GLI3: variants seen among roughly 807,000 people sequenced by gnomAD.
GLI3 encodes the protein GLI family zinc finger 3.
A neutral mutation model predicts 100.8 loss-of-function variants in GLI3; 20 were observed. The ratio of observed to expected loss-of-function variants is 0.20; its 90% confidence interval spans 0.14 to 0.29. The LOEUF (loss-of-function observed/expected upper bound fraction) is 0.29, where lower values mean the gene tolerates loss of function less well. GLI3 is among the 10% of genes least tolerant of loss of function. The pLI is 1.00. For missense variants in GLI3, 2,040 were observed against 2,128.5 expected (o/e 0.96, Z 0.82); for synonymous variants, 938 against 860.5 (o/e 1.09, Z -1.58).
rs756608797 is a variant in GLI3, at chr7:41,965,683, G to A, written c.3390C>T (p.Asp1130=). 1.9e-5 allele frequency: 30 copies of A among 1,613,296 alleles called. No homozygotes were observed. Among genetic ancestry groups the A allele is most frequent in the South Asian group, 1.8e-4 (16 of 91,072 alleles). The change falls in exon 15 of 15, where the codon GAC becomes GAT. Residue 1130 remains aspartate (D), a synonymous_variant. Transcript: ENST00000395925. The stretch of plus-strand genomic sequence containing the variant: ...CGTGGCTGTCTGGCAGCCCGGGCGC[G>A]TCAAAGTCACCGGGCCCGTGGGGCA... ...SKVPHGPGDF[D]APGLPDSHAG...
rs2128738384 is a variant in GLI3 at position 42,039,551 on chromosome 7, T to C, written c.1028+487A>G. ...TATGCTTTCCAATGTCATCTGCACT[T>C]ATTTTCCATCAGACGAAAAGTCCTG... On this transcript the variant is annotated intron_variant, in intron 7 of 14. Coordinates refer to ENST00000395925, the MANE Select transcript of GLI3 (RefSeq NM_000168.6). Among the ~76,000 whole-genome samples the C allele has an allele frequency of 1.3e-5, 2 of 152,374 alleles. 1 individual carries two copies. Among genetic ancestry groups the C allele is most frequent in the South Asian group, 4.1e-4 (2 of 4,826 alleles).
chr7:41,999,823 A>G (rs1788235543), intron 10 of GLI3, among the ~76,000 whole-genome samples: 1 of 152,148 alleles, frequency 6.6e-6, no homozygotes, highest in South Asian at 2.1e-4. Flanking sequence ...TTCTCTGCCC[A>G]TGAAGCACAT....
Position 42,097,337 on chromosome 7 carries a change from G to A in GLI3, c.368-20480C>T, listed in dbSNP as rs116708772. ...CACAGCCACCCTATTAGAGACAGTC[G>A]CTCCCCCTGGAAGATGGAGGGGCAG... On this transcript the variant is annotated intron_variant, in intron 3 of 14. Coordinates refer to ENST00000395925, the MANE Select transcript of GLI3 (RefSeq NM_000168.6). Among the ~76,000 whole-genome samples the A allele has an allele frequency of 9.1e-3, 1,387 of 152,310 alleles. 15 individuals carry two copies. Among genetic ancestry groups the A allele is most frequent in the African/African-American group, 0.031 (1,296 of 41,558 alleles).
chr7:42,217,181 C>A (rs913388921), intron 2 of GLI3, among the ~76,000 whole-genome samples: 1 of 152,030 alleles, frequency 6.6e-6, no homozygotes, highest in Admixed American at 6.6e-5. Flanking sequence ...AAGAGACACA[C>A]GAGCGAGTAA....
At chr7:42,187,011 A>G (rs923275154) in intron 2 of GLI3, among the ~76,000 whole-genome samples, 1 of 151,422 alleles carries the variant, frequency 6.6e-6, no homozygotes, top group Non-Finnish European at 1.5e-5. Flanking sequence ...GGAGATTGAA[A>G]CCAAACTGAG....
At chr7:42,112,585 TCATAAATATATATGCC>T (rs1302090115) in intron 3 of GLI3, among the ~76,000 whole-genome samples, 2 of 151,562 alleles carry the variant, frequency 1.3e-5, no homozygotes, top group African/African-American at 2.4e-5. Context: ...CACTTGTACT[TCATAAATATATATGCC>T]CATTATTTCC....
chr7:42,133,161 C>G lies in GLI3; in HGVS notation c.367+15065G>C, dbSNP rs114366885. On this transcript the variant is annotated intron_variant, in intron 3 of 14. Coordinates refer to ENST00000395925, the MANE Select transcript of GLI3 (RefSeq NM_000168.6). The stretch of plus-strand genomic sequence containing the variant: ...AGTAAAACTTATACAAAAACATTCT[C>G]TCATATCATCAGCTTACTTAAGTGA... 9.0e-3 allele frequency among the ~76,000 whole-genome samples: 1,374 copies of G among 152,252 alleles called. 21 individuals are homozygous for G. Among genetic ancestry groups the G allele is most frequent in the African/African-American group, 0.031 (1,301 of 41,546 alleles).
At chr7:42,234,450 C>T (rs1415300767) in intron 1 of GLI3, among the ~76,000 whole-genome samples, 1 of 152,066 alleles carries the variant, frequency 6.6e-6, no homozygotes. Flanking sequence ...GCTTGCACAT[C>T]GAATTGATAA....
intron 2 of GLI3, among the ~76,000 whole-genome samples, chr7:42,154,864 C>A (rs181450834): frequency 1.3e-5 from 2 of 152,178 alleles, no homozygotes; most frequent in Admixed American, 6.5e-5. Flanking sequence ...ATTTCCAATA[C>A]CCTCGGGGTC....
chr7:42,086,673 G>A (rs1785108063), intron 3 of GLI3, among the ~76,000 whole-genome samples: 1 of 151,948 alleles, frequency 6.6e-6, no homozygotes, highest in Non-Finnish European at 1.5e-5. Context: ...CCCTCTTCAA[G>A]ACTCAATACA....
chr7:42,093,558 G>C (rs921853259), intron 3 of GLI3, among the ~76,000 whole-genome samples: 8 of 152,142 alleles, frequency 5.3e-5, no homozygotes, highest in Non-Finnish European at 1.2e-4. Flanking sequence ...ACATGCTGTG[G>C]TTGTTCTGGA....
chr7:42,212,783 C>G (rs1413215847), intron 2 of GLI3, among the ~76,000 whole-genome samples: 2 of 152,182 alleles, frequency 1.3e-5, no homozygotes, highest in Non-Finnish European at 2.9e-5. Context: ...TCCTTGCTGG[C>G]ACAGAGAATG....
At chr7:42,091,382 C>T (rs1261785696) in intron 3 of GLI3, among the ~76,000 whole-genome samples, 2 of 152,228 alleles carry the variant, frequency 1.3e-5, no homozygotes, top group South Asian at 2.1e-4. Flanking sequence ...CTTTGGTCCC[C>T]TTGCCCCAGT....
At chr7:42,072,151 C>T (rs1329488156) in intron 4 of GLI3, among the ~76,000 whole-genome samples, 1 of 152,184 alleles carries the variant, frequency 6.6e-6, no homozygotes, top group Non-Finnish European at 1.5e-5. Flanking sequence ...AAAGCAAGAG[C>T]AGCTCACAGC....
intron 4 of GLI3, among the ~76,000 whole-genome samples, chr7:42,053,120 C>G (rs552811421): frequency 6.6e-6 from 1 of 152,238 alleles, no homozygotes; most frequent in Admixed American, 6.5e-5. Flanking sequence ...CTCAGCCTCC[C>G]GAGTAGCTGG....
chr7:42,024,553 C>A (rs948165144), intron 9 of GLI3, among the ~76,000 whole-genome samples: 6 of 152,214 alleles, frequency 3.9e-5, no homozygotes, highest in Non-Finnish European at 7.3e-5. Flanking sequence ...GACATCTGGA[C>A]TCTTGTCCAA....
chr7:41,968,697 GA>G (rs1293897730), intron 13 of GLI3, among the ~76,000 whole-genome samples: 2 of 110,830 alleles, frequency 1.8e-5, no homozygotes, highest in Admixed American at 9.5e-5. Flanking sequence ...AAGAAAGAAA[GA>G]AAGAAAGAAA....
chr7:42,029,478 T>C (rs1269889237), intron 7 of GLI3, among the ~76,000 whole-genome samples: 4 of 152,146 alleles, frequency 2.6e-5, no homozygotes, highest in South Asian at 2.1e-4. Flanking sequence ...CTCAACTCTC[T>C]TGGGCAAGAT....
chr7:42,069,996 G>A (rs1262113728), intron 4 of GLI3, among the ~76,000 whole-genome samples: 1 of 152,132 alleles, frequency 6.6e-6, no homozygotes, highest in African/African-American at 2.4e-5. Context: ...AAGGAAGAAG[G>A]CTCTACGCAG....
Sources: gnomAD v4.1 joint callset for allele counts (sites outside exome capture counted in the v4.1 genomes callset) on GRCh38, gnomAD v4.1.1 for gene constraint, MANE v1.5 for transcripts, NCBI Gene and HGNC (gene_info 2026-07-23, HGNC 2026-07-21) for gene names.